Variants in CUBN observed in about 807,000 individuals in gnomAD.
CUBN encodes 460 kDa receptor.
A neutral mutation model predicts 405.3 loss-of-function variants in CUBN; 282 were observed. The ratio of observed to expected loss-of-function variants is 0.70; its 90% CI spans 0.63 to 0.77. CUBN has a LOEUF of 0.77. CUBN is among the 30% of genes least tolerant of loss of function. The pLI, the probability that CUBN is intolerant of heterozygous loss-of-function variation, is 0.00. For missense variants in CUBN, 4,514 were observed against 4,475.2 expected, an observed-to-expected ratio of 1.01 and a Z score of -0.25; for synonymous variants, 1,684 against 1,617.0, an observed-to-expected ratio of 1.04 and a Z score of -0.99.
intron 28 of CUBN, among the ~76,000 whole-genome samples, chr10:16,997,726 A>G (rs1833775331): frequency 6.6e-6 from 1 of 152,210 alleles, no homozygotes; most frequent in African/African-American, 2.4e-5. Context: ...TAAAATGGCC[A>G]AAGTTGTCCA....
rs1841590432 is a variant in CUBN at position 16,907,584 on chromosome 10, C to T, written c.7629G>A (p.Met2543Ile). 1 of 1,613,806 alleles carries T rather than the reference C, an allele frequency of 6.2e-7. No individual in the cohort carries two copies. Among genetic ancestry groups the T allele is most frequent in the African/African-American group, 1.3e-5 (1 of 74,914 alleles). ...ATCCATCCGTGAAAAAAATGACTTT[C>T]ATTGTGTTTCCTGAAGATTTAATCT... is the stretch of plus-strand genomic sequence containing the variant. Reference protein sequence around the residue: ...SNEIKSSGNTMKVIFFTDGSR... With the variant: ...SNEIKSSGNTIKVIFFTDGSR... Residue 2543 changes from methionine (M) to isoleucine (I), a missense_variant, in exon 49 of 67, where the codon ATG becomes ATA. Around this residue, in one of 5 missense-constraint regions of CUBN, gnomAD observed 1,613 missense variants for 1,542.8 expected, o/e 1.05. Coordinates refer to ENST00000377833, the MANE Select transcript of CUBN (RefSeq NM_001081.4).
chr10:17,047,726 T>A, intron 22 of CUBN, 123 bp from the exon 23 acceptor site: 1 of 890,308 alleles, frequency 1.1e-6, no homozygotes, highest in African/African-American at 1.7e-5. Context: ...CATTCTGGAA[T>A]GTGCAAATAA....
At chr10:16,855,342 C>T (rs781136352) in intron 59 of CUBN, among the ~76,000 whole-genome samples, 5 of 152,000 alleles carry the variant, frequency 3.3e-5, no homozygotes, top group Admixed American at 6.6e-5. Context: ...CTTAGCCCTA[C>T]GACTTGCTTT....
rs889273359 is a variant in CUBN, at chr10:16,903,486, A to C, written c.8062+480T>G. The stretch of plus-strand genomic sequence containing the variant: ...GAAAGCATAAAGAACTAACATTTGC[A>C]GAAGTTTACACAGAAAGATCAAAGA... On this transcript the variant is annotated intron_variant, in intron 51 of 66. Coordinates refer to ENST00000377833, the MANE Select transcript of CUBN (RefSeq NM_001081.4). Among the ~76,000 whole-genome samples, 47 of 151,984 alleles carry C rather than the reference A, an allele frequency of 3.1e-4. 1 individual carries two copies. Among genetic ancestry groups the C allele is most frequent in the Non-Finnish European group, 1.9e-4 (13 of 67,978 alleles).
rs750520309 is a variant in CUBN, at chr10:16,952,389, GC to G, written c.4856-1del. 14 of 1,588,436 alleles carry G rather than the reference GC, an allele frequency of 8.8e-6. No homozygotes were observed. In the Admixed American group the frequency reaches 2.0e-4, roughly 23 times the overall value. The stretch of plus-strand genomic sequence containing the variant: ...GCTGGTGAGGATGTGGCCTCCGCAG[GC>G]TGGGGAACACACAAACACACATACA... On this transcript the variant is annotated splice_acceptor_variant, in intron 32 of 66. Coordinates refer to ENST00000377833, the MANE Select transcript of CUBN (RefSeq NM_001081.4). LOFTEE classifies it high-confidence loss of function.
At chr10:16,842,704 A>T (rs1839389932) in intron 60 of CUBN, among the ~76,000 whole-genome samples, 2 of 152,214 alleles carry the variant, frequency 1.3e-5, no homozygotes, top group Non-Finnish European at 2.9e-5. Context: ...CAATGAGGTG[A>T]TGCTCCTGCT....
chr10:17,071,297 A>G (rs1238700624), intron 19 of CUBN, 129 bp downstream of exon 19: 2 of 928,570 alleles, frequency 2.2e-6, no homozygotes, highest in East Asian at 2.6e-5. Flanking sequence ...ATTTTTACAT[A>G]TGTATCCATA....
rs935944700 is a variant in CUBN at position 16,901,325 on chromosome 10, C to G, written c.8184+13G>C. The G allele has an allele frequency of 6.2e-7, 1 of 1,613,942 alleles. No individual in the cohort carries two copies. Among genetic ancestry groups the G allele is most frequent in the Non-Finnish European group, 8.5e-7 (1 of 1,179,974 alleles). On this transcript the variant is annotated intron_variant, in intron 52 of 66. Coordinates refer to ENST00000377833, the MANE Select transcript of CUBN (RefSeq NM_001081.4). ...TTGTCTCAGAAGCATTTCACCCAGT[C>G]ATTAGCACTCACAGTGATGGTGTGC...
At chr10:16,938,624 T>C (rs1372574691) in intron 38 of CUBN, among the ~76,000 whole-genome samples, 1 of 152,090 alleles carries the variant, frequency 6.6e-6, no homozygotes, top group East Asian at 1.9e-4. Context: ...TTTTATATGA[T>C]CATTAAAATT....
chr10:16,874,300 A>G (rs1840440754), intron 58 of CUBN, 74 bp downstream of exon 58: 2 of 1,464,188 alleles, frequency 1.4e-6, no homozygotes, highest in East Asian at 2.3e-5. Flanking sequence ...AGTGCCCTCC[A>G]TCAATAAACG....
chr10:16,929,084 T>A lies in CUBN; in HGVS notation c.6125-781A>T, dbSNP rs1005836291. Among the ~76,000 whole-genome samples, 58 of 152,154 alleles carry A rather than the reference T, an allele frequency of 3.8e-4. 1 individual carries two copies. The highest frequency in any genetic ancestry group is 1.4e-3 in the African/African-American group (56 of 41,452). On this transcript the variant is annotated intron_variant, in intron 40 of 66. Transcript: ENST00000377833. The stretch of plus-strand genomic sequence containing the variant: ...ATTCACCAAAAGGTATGCAATTGTA[T>A]GTGCCCTTTCTTCAGTGCCAGTGGG...
chr10:16,841,010 C>G lies in CUBN; in HGVS notation c.9701G>C (p.Gly3234Ala), dbSNP rs150890299. 1.2e-5 allele frequency: 20 copies of G among 1,613,980 alleles called. No individual in the cohort carries two copies. The highest frequency in any genetic ancestry group is 5.0e-5 in the Admixed American group (3 of 59,990). Residue 3234 changes from glycine to alanine, a missense_variant, in exon 61 of 67, where the codon GGA (glycine) becomes GCA (alanine). By Grantham distance (60) the Gly-to-Ala change is moderately conservative. Around this residue, in one of 5 missense-constraint regions of CUBN, gnomAD observed 1,186 missense variants for 1,186.9 expected, o/e 1.00. Coordinates refer to ENST00000377833, the MANE Select transcript of CUBN (RefSeq NM_001081.4). ...AGGTACTGTGGAACCACAAAACGTT[C>G]CAGCCAAGTTCGCATTTTCACTATC... ...DGDSENANLA[G>A]TFCGSTVPAP...
intron 29 of CUBN, among the ~76,000 whole-genome samples, chr10:16,986,296 A>C (rs1833420230): frequency 1.7e-5 from 2 of 119,898 alleles, no homozygotes; most frequent in African/African-American, 3.2e-5. Context: ...ACCTCGGGAC[A>C]CTCTGCCCCC....
At chr10:16,837,194 T>A (rs1167491319) in intron 62 of CUBN, among the ~76,000 whole-genome samples, 1 of 151,770 alleles carries the variant, frequency 6.6e-6, no homozygotes, top group Non-Finnish European at 1.5e-5. Context: ...TCGGTATACA[T>A]CCCCCACCTT....
At chr10:16,961,488 G>C (rs1039702379) in intron 31 of CUBN, among the ~76,000 whole-genome samples, 3 of 152,208 alleles carry the variant, frequency 2.0e-5, no homozygotes, top group Non-Finnish European at 4.4e-5. Flanking sequence ...AACCATTCAA[G>C]TGTGAGACCA....
At chr10:17,023,118 G>A (rs1834545228) in intron 27 of CUBN, among the ~76,000 whole-genome samples, 2 of 151,812 alleles carry the variant, frequency 1.3e-5, no homozygotes, top group South Asian at 4.1e-4. Flanking sequence ...CCTTCCTTCT[G>A]GATGGGATTA....
chr10:17,123,922 G>A (rs536607371), intron 4 of CUBN, among the ~76,000 whole-genome samples: 17 of 152,110 alleles, frequency 1.1e-4, no homozygotes, highest in Non-Finnish European at 1.5e-4. Context: ...TTTTGACCAC[G>A]GGTGGGATGA....
At chr10:17,095,555 TGCC>T (rs1836355330) in intron 14 of CUBN, among the ~76,000 whole-genome samples, 1 of 152,028 alleles carries the variant, frequency 6.6e-6, no homozygotes, top group Non-Finnish European at 1.5e-5. Flanking sequence ...CACAATAAGA[TGCC>T]ACCTCATACT....
At chr10:16,924,816 T>A (rs1842134691) in intron 43 of CUBN, among the ~76,000 whole-genome samples, 1 of 152,106 alleles carries the variant, frequency 6.6e-6, no homozygotes, top group Admixed American at 6.6e-5. Context: ...ATCAAAAAAT[T>A]ATGTGTTCTT....
Sources: gnomAD v4.1 joint callset for allele counts (sites outside exome capture counted in the v4.1 genomes callset) on GRCh38, gnomAD v4.1.1 for gene constraint, gnomAD v4.1.1 regional missense constraint, MANE v1.5 for transcripts, NCBI Gene and HGNC (gene_info 2026-07-23, HGNC 2026-07-21) for gene names.